DCAF4: variants seen among roughly 807,000 people sequenced by gnomAD.
DCAF4 encodes DDB1- and CUL4-associated factor 4.
DCAF4 carries 37 observed loss-of-function variants against 60.9 expected under a neutral mutation model. The ratio of observed to expected loss-of-function variants is 0.61; its 90% CI spans 0.47 to 0.80. DCAF4 has a LOEUF of 0.80. DCAF4 is among the 30% of genes least tolerant of loss of function. The pLI, the probability that DCAF4 is intolerant of heterozygous loss-of-function variation, is 0.00. For synonymous variants in DCAF4, 243 were observed against 254.8 expected (o/e 0.95, Z 0.44); for missense variants, 577 against 650.0 (o/e 0.89, Z 1.22).
chr14:72,955,546 C>T lies in DCAF4; in HGVS notation c.1029C>T (p.Cys343=). The T allele has an allele frequency of 2.5e-6, 4 of 1,613,368 alleles. No individual in the cohort carries two copies. Among genetic ancestry groups the T allele is most frequent in the Non-Finnish European group, 3.4e-6 (4 of 1,179,826 alleles). The part of the protein sequence containing the change: ...ALMAPLLFNG[C]RSGEIFAIDL... ...AGGCTCCTCTGCTGTTTAATGGCTG[C>T]CGCTCTGGGGAAATCTTTGCCATTG... is the stretch of plus-strand genomic sequence containing the variant. Residue 343 remains cysteine (C), a synonymous_variant, in exon 12 of 14, where the codon TGC becomes TGT. Coordinates refer to ENST00000358377, the MANE Select transcript of DCAF4 (RefSeq NM_015604.4).
chr14:72,955,703 G>T lies in DCAF4; in HGVS notation c.1179+7G>T, dbSNP rs749944047. On this transcript the variant is annotated splice_region_variant and intron_variant, in intron 12 of 13. Coordinates refer to ENST00000358377, the MANE Select transcript of DCAF4 (RefSeq NM_015604.4). ...TTCAGACATGGCTGGAAAGGTAGGG[G>T]ATCATGGACTTTCTCAGGCCACAGG... is the stretch of plus-strand genomic sequence containing the variant. 6.0e-5 allele frequency: 97 copies of T among 1,610,016 alleles called. No individual in the cohort carries two copies. The South Asian group carries it at 1.0e-3, about 17-fold the overall frequency.
At chr14:72,956,627 G>C in intron 13 of DCAF4, 127 bp downstream of exon 13, 1 of 836,496 alleles carries the variant, frequency 1.2e-6, no homozygotes. Context: ...AGTGTGGACA[G>C]CTGGGTGGGG....
downstream of DCAF4, chr14:72,961,781 A>G: frequency 1.0e-6 from 1 of 993,976 alleles, no homozygotes. Context: ...CCCATACCAC[A>G]CCCAGGGGAA....
In DCAF4 at chr14:72,959,038, T is replaced by C; in HGVS notation, c.*233T>C. The C allele has an allele frequency of 8.2e-7, 1 of 1,221,626 alleles. No homozygotes were observed. Among genetic ancestry groups the C allele is most frequent in the Non-Finnish European group, 1.0e-6 (1 of 980,308 alleles). 75.7% of individuals were successfully genotyped at this position (1,221,626 alleles called of 1,614,324 possible). A position where few individuals can be genotyped will look rare whatever the true frequency, so the allele number is the denominator to read the frequency against. The stretch of plus-strand genomic sequence containing the variant: ...GTCCTTTTCATAAAAGGTACCTCTT[T>C]CCTTTTCTTATTGAATTCTTAGAAC... On this transcript the variant is annotated 3_prime_UTR_variant, in exon 14 of 14. Coordinates refer to ENST00000358377, the MANE Select transcript of DCAF4 (RefSeq NM_015604.4).
intron 8 of DCAF4, among the ~76,000 whole-genome samples, chr14:72,950,459 ATTGAAGACTGATGAGAACATTTCTC>A (rs1322984126): frequency 6.6e-6 from 1 of 152,214 alleles, no homozygotes; most frequent in Admixed American, 6.5e-5. Flanking sequence ...CCAGAGGCTC[ATTGAAGACTGATGAGAACATTTCTC>A]TGGGAAGGTG....
At chr14:72,941,652 C>T in intron 4 of DCAF4, 93 bp from the exon 5 acceptor site, 1 of 1,228,886 alleles carries the variant, frequency 8.1e-7, no homozygotes, top group Non-Finnish European at 1.2e-6. Flanking sequence ...TGCCTGTTTC[C>T]TTCATTACAT....
intron 1 of DCAF4, among the ~76,000 whole-genome samples, chr14:72,934,486 C>T (rs1039508918): frequency 2.0e-5 from 3 of 152,058 alleles, no homozygotes; most frequent in South Asian, 2.1e-4. Context: ...GTTGGGGTTT[C>T]GTCATGTTGG....
intron 8 of DCAF4, 141 bp downstream of exon 8, chr14:72,947,332 A>C (rs1890865485): frequency 3.0e-6 from 3 of 986,618 alleles, no homozygotes; most frequent in Non-Finnish European, 4.8e-6. Flanking sequence ...CTTTAGAAAA[A>C]AAAGCAGCGT....
intron 8 of DCAF4, among the ~76,000 whole-genome samples, chr14:72,950,263 G>A (rs950763312): frequency 3.3e-5 from 5 of 152,162 alleles, no homozygotes; most frequent in African/African-American, 7.2e-5. Flanking sequence ...GGCGTGAAAC[G>A]AGGTATCAGG....
rs71109769 is a variant in DCAF4 at position 72,953,732 on chromosome 14, AAT to A, written c.809-402_809-401del. The stretch of plus-strand genomic sequence containing the variant: ...CTTAAAAAAAAAAAAAAAAAAAAAA[AAT>A]ATATATATATATATATATATATATA... On this transcript the variant is annotated intron_variant, in intron 9 of 13. Coordinates refer to ENST00000358377, the MANE Select transcript of DCAF4 (RefSeq NM_015604.4). Among the ~76,000 whole-genome samples the A allele has an allele frequency of 2.2e-3, 47 of 21,762 alleles. 4 individuals are homozygous for A. Among genetic ancestry groups the A allele is most frequent in the Admixed American group, 5.6e-3 (7 of 1,254 alleles). 14.3% of individuals were successfully genotyped at this position (21,762 alleles called of 152,430 possible). A position where few individuals can be genotyped will look rare whatever the true frequency, so the allele number is the denominator to read the frequency against.
intron 4 of DCAF4, among the ~76,000 whole-genome samples, chr14:72,940,880 C>T (rs774305777): frequency 1.3e-5 from 2 of 151,956 alleles, no homozygotes; most frequent in South Asian, 2.1e-4. Context: ...CGTGAGCCAC[C>T]ACACCCAGCC....
intron 1 of DCAF4, among the ~76,000 whole-genome samples, chr14:72,934,309 A>AT (rs1599580322): frequency 6.6e-6 from 1 of 152,008 alleles, no homozygotes; most frequent in Admixed American, 6.6e-5. Context: ...GCCCACTACC[A>AT]TGCCTGGCTA....
intron 8 of DCAF4, among the ~76,000 whole-genome samples, chr14:72,947,809 T>C (rs900952315): frequency 6.6e-6 from 1 of 152,170 alleles, no homozygotes; most frequent in Admixed American, 6.5e-5. Context: ...AGAGCACTCA[T>C]CACACTAGTC....
rs1892642358 is a variant in DCAF4, at chr14:72,958,895, GACACTCAGTGT to G, written c.*95_*105del. The G allele has an allele frequency of 6.7e-7, 1 of 1,493,724 alleles. No individual in the cohort carries two copies. Among genetic ancestry groups the G allele is most frequent in the Non-Finnish European group, 8.9e-7 (1 of 1,128,520 alleles). The allele number at this position is 1,493,724 out of a possible 1,614,324, so 92.5% of individuals were successfully genotyped here. On this transcript the variant is annotated 3_prime_UTR_variant, in exon 14 of 14. Coordinates refer to ENST00000358377, the MANE Select transcript of DCAF4 (RefSeq NM_015604.4). ...TGCATCTAATGAGGGTGTTTTAAGT[GACACTCAGTGT>G]ACACAGATCCCATCCTCTGGCTGCT... is the stretch of plus-strand genomic sequence containing the variant.
At chr14:72,962,007 C>A, downstream of DCAF4, 1 of 1,097,154 alleles carries the variant, frequency 9.1e-7, no homozygotes, top group Non-Finnish European at 1.1e-6. Context: ...AACAGCATCT[C>A]TTCCCTTCAT....
At position 72,954,422 on chromosome 14, in the gene DCAF4, C is replaced by A; in HGVS notation, c.944C>A (p.Thr315Lys). The change falls in exon 11 of 14, where the codon ACG becomes AAG. Residue 315 changes from threonine to lysine, a missense_variant. Thr to Lys is a moderately conservative substitution (Grantham distance 78). Coordinates refer to ENST00000358377, the MANE Select transcript of DCAF4 (RefSeq NM_015604.4). ...CGGGTCCTGTTGACCAACGTGGTGACGGGACACCGGCAGTCCTTTGGGACC... is the reference window on the plus strand; with the variant it reads ...CGGGTCCTGTTGACCAACGTGGTGAAGGGACACCGGCAGTCCTTTGGGACC... ...SRRVLLTNVV[T>K]GHRQSFGTNS... 6.2e-7 allele frequency: 1 copy of A among 1,614,184 alleles called. No individual in the cohort carries two copies. The highest frequency in any genetic ancestry group is 8.5e-7 in the Non-Finnish European group (1 of 1,180,026).
chr14:72,958,726 C>T lies in DCAF4; in HGVS notation c.1409C>T (p.Ser470Leu), dbSNP rs771560966. ...KADIPSVAFSSRLGGSRGAPG... is the reference protein window; with the variant it reads ...KADIPSVAFSLRLGGSRGAPG... ...GACATTCCCAGTGTGGCCTTCTCGT[C>T]GCGGCTGGGGGGCTCCCGGGGCGCG... Residue 470 changes from serine to leucine, a missense_variant, in exon 14 of 14, where the codon TCG becomes TTG. Transcript: ENST00000358377. 5.2e-5 allele frequency: 84 copies of T among 1,613,608 alleles called. No homozygotes were observed. The highest frequency in any genetic ancestry group is 6.8e-5 in the Non-Finnish European group (80 of 1,179,816).
downstream of DCAF4, among the ~76,000 whole-genome samples, chr14:72,960,440 G>A (rs1402800003): frequency 1.3e-4 from 20 of 152,020 alleles, no homozygotes; most frequent in Admixed American, 1.2e-3. Context: ...CTGAGCCACC[G>A]CACCTGGCCC....
intron 6 of DCAF4, among the ~76,000 whole-genome samples, chr14:72,944,457 G>A (rs1035727118): frequency 6.6e-5 from 10 of 152,112 alleles, no homozygotes; most frequent in Non-Finnish European, 1.3e-4. Context: ...CTTTGAAATA[G>A]CAATTAACCA....
Sources: gnomAD v4.1 joint callset for allele counts (sites outside exome capture counted in the v4.1 genomes callset) on GRCh38, gnomAD v4.1.1 for gene constraint, MANE v1.5 for transcripts, NCBI Gene and HGNC (gene_info 2026-07-23, HGNC 2026-07-21) for gene names.